Variants in BRAF observed in about 807,000 individuals in gnomAD.
BRAF encodes serine/threonine-protein kinase B-raf.
BRAF carries 16 observed loss-of-function variants against 104.6 expected under a neutral mutation model. That is an observed-to-expected ratio of 0.15 (90% CI 0.10 to 0.23). The LOEUF is 0.23. Among genes scored for constraint, BRAF ranks in the 10% least tolerant of loss-of-function variants. The pLI is 1.00. For missense variants in BRAF, 541 were observed against 937.3 expected (o/e 0.58, Z 5.52); for synonymous variants, 310 against 341.6 (o/e 0.91, Z 1.02).
chr7:140,733,410 A>G (rs182922020), intron 19 of BRAF: 1 of 152,358 alleles, frequency 6.6e-6, no homozygotes, highest in Non-Finnish European at 1.5e-5. Flanking sequence ...TGAAGCAGAG[A>G]TGGCCAAATC....
chr7:140,840,597 C>T lies in BRAF; in HGVS notation c.241-5725G>A, dbSNP rs561647608. Among the ~76,000 whole-genome samples, 16 of 151,922 alleles carry T rather than the reference C, an allele frequency of 1.1e-4. No homozygotes were observed. In the South Asian group the frequency reaches 1.5e-3, roughly 14 times the overall value. ...CTTGAGTCCAGGTGTTCGAGACCAG[C>T]CTGGGCAACATGGCAAATCCCCATC... On this transcript the variant is annotated intron_variant, in intron 2 of 19. Coordinates refer to ENST00000644969, the MANE Select transcript of BRAF (RefSeq NM_001374258.1).
chr7:140,734,220 C>T, intron 19 of BRAF: 1 of 1,133,796 alleles, frequency 8.8e-7, no homozygotes, highest in Non-Finnish European at 1.1e-6. Context: ...CAAACACAGG[C>T]ATAGGTAGGG....
At chr7:140,766,182 T>C (rs1799300478) in intron 14 of BRAF, among the ~76,000 whole-genome samples, 2 of 151,648 alleles carry the variant, frequency 1.3e-5, no homozygotes, top group African/African-American at 4.8e-5. Flanking sequence ...CAGTAAACTA[T>C]CGCAAGGACA....
At chr7:140,747,496 C>A in intron 17 of BRAF, 1 of 955,954 alleles carries the variant, frequency 1.0e-6, no homozygotes. Context: ...ATGCTTTTAT[C>A]TGTATTTTGG....
At position 140,884,463 on chromosome 7, in the gene BRAF, G is replaced by GCA. The variant is rs1813322648; in HGVS notation, c.139-34252_139-34251insTG. On this transcript the variant is annotated intron_variant, in intron 1 of 19. Coordinates refer to ENST00000644969, the MANE Select transcript of BRAF (RefSeq NM_001374258.1). ...TGTGTGTGTGTGTGTGTGTGTGTGTGTGTGTGTGTGTGTATAAAAATATAA... is the reference window on the plus strand; with the variant it reads ...TGTGTGTGTGTGTGTGTGTGTGTGTGCATGTGTGTGTGTGTATAAAAATATAA... 2.7e-5 allele frequency among the ~76,000 whole-genome samples: 4 copies of GCA among 147,796 alleles called. No homozygotes were observed. In the South Asian group the frequency reaches 8.5e-4, roughly 31 times the overall value.
chr7:140,716,085 CAA>C (rs1563218707), downstream of BRAF, among the ~76,000 whole-genome samples: 1 of 152,164 alleles, frequency 6.6e-6, no homozygotes, highest in Admixed American at 6.6e-5. Context: ...CAAAAGTTCA[CAA>C]AACAGTATTT....
intron 14 of BRAF, among the ~76,000 whole-genome samples, chr7:140,763,144 T>C (rs1798925105): frequency 6.6e-6 from 1 of 152,208 alleles, no homozygotes; most frequent in Middle Eastern, 3.4e-3. Context: ...GACGGGGTGG[T>C]GGCCGGGCAG....
chr7:140,736,876 C>T (rs890089979), intron 18 of BRAF, among the ~76,000 whole-genome samples: 10 of 151,854 alleles, frequency 6.6e-5, no homozygotes, highest in South Asian at 4.2e-4. Context: ...ATCTCTACAA[C>T]CACCACCACC....
chr7:140,894,039 T>C (rs1814584864), intron 1 of BRAF, among the ~76,000 whole-genome samples: 1 of 151,684 alleles, frequency 6.6e-6, no homozygotes, highest in Non-Finnish European at 1.5e-5. Flanking sequence ...GAGGCCGAGA[T>C]GGGAGGATGG....
chr7:140,842,598 T>C (rs909898494), intron 2 of BRAF, among the ~76,000 whole-genome samples: 8 of 152,150 alleles, frequency 5.3e-5, no homozygotes, highest in South Asian at 2.1e-4. Context: ...ATCTTACACA[T>C]AGAAGGCATT....
chr7:140,856,122 A>AAT (rs548392206), intron 1 of BRAF, among the ~76,000 whole-genome samples: 6 of 148,878 alleles, frequency 4.0e-5, no homozygotes, highest in African/African-American at 1.5e-4. Flanking sequence ...AGTATATATA[A>AAT]ATATATATAT....
chr7:140,738,899 C>G (rs538589017), intron 18 of BRAF, among the ~76,000 whole-genome samples: 2 of 151,296 alleles, frequency 1.3e-5, no homozygotes, highest in Non-Finnish European at 2.9e-5. Context: ...TTGTAAGCCA[C>G]GACACCTGGC....
At chr7:140,861,035 A>C (rs1291190725) in intron 1 of BRAF, among the ~76,000 whole-genome samples, 1 of 152,222 alleles carries the variant, frequency 6.6e-6, no homozygotes, top group Non-Finnish European at 1.5e-5. Context: ...CATCTCAAAA[A>C]CATAATATTG....
intron 1 of BRAF, among the ~76,000 whole-genome samples, chr7:140,894,907 G>A (rs1814705934): frequency 6.6e-6 from 1 of 152,144 alleles, no homozygotes; most frequent in South Asian, 2.1e-4. Context: ...GTTACTTAAA[G>A]CCTAATGAAC....
In BRAF at chr7:140,763,262, C is replaced by T. The variant is rs376643303; in HGVS notation, c.1815-9029G>A. The stretch of plus-strand genomic sequence containing the variant: ...CTGACCCCCCAACCTCCCTCCCGGA[C>T]GGGGTGGCTGGCCGGGCGGGGGGCT... On this transcript the variant is annotated intron_variant, in intron 14 of 19. Coordinates refer to ENST00000644969, the MANE Select transcript of BRAF (RefSeq NM_001374258.1). 5.0e-4 allele frequency among the ~76,000 whole-genome samples: 75 copies of T among 151,336 alleles called. No homozygotes were observed. In the East Asian group the frequency reaches 7.7e-3, roughly 16 times the overall value.
At chr7:140,801,262 A>G in intron 6 of BRAF, 150 bp downstream of exon 6, 1 of 767,452 alleles carries the variant, frequency 1.3e-6, no homozygotes. Flanking sequence ...TCCATTCCAC[A>G]TATTATTCTC....
chr7:140,909,775 T>C lies in BRAF; in HGVS notation c.138+14791A>G, dbSNP rs189416137. ...TGAGCCTAGATGGTGCCACTGCATT[T>C]CAGCCTGGGCAACAAGAGCGAAACT... On this transcript the variant is annotated intron_variant, in intron 1 of 19. Transcript: ENST00000644969. 1.1e-4 allele frequency among the ~76,000 whole-genome samples: 16 copies of C among 151,936 alleles called. No individual in the cohort carries two copies. In the South Asian group the frequency reaches 1.5e-3, roughly 14 times the overall value.
At chr7:140,740,516 T>C (rs976530034) in intron 17 of BRAF, 1 of 152,276 alleles carries the variant, frequency 6.6e-6, no homozygotes, top group African/African-American at 2.4e-5. Context: ...AAAAGGCTTG[T>C]CTTCCCTGGA....
intron 1 of BRAF, among the ~76,000 whole-genome samples, chr7:140,882,971 G>A (rs1333477860): frequency 1.3e-5 from 2 of 150,956 alleles, no homozygotes; most frequent in African/African-American, 2.4e-5. Context: ...TCCAGCTGGG[G>A]AACAAGAGCG....
Sources: allele counts gnomAD v4.1 joint callset (sites outside exome capture counted in the v4.1 genomes callset), GRCh38; gene constraint gnomAD v4.1.1; transcripts MANE v1.5; gene names NCBI Gene and HGNC (gene_info 2026-07-23, HGNC 2026-07-21).